The following CTNNA2 variants were observed in gnomAD, a reference collection of about 807,000 sequenced individuals.
CTNNA2 encodes catenin alpha-2.
In CTNNA2, 42 loss-of-function variants were observed where a neutral mutation model predicts 101.0. That is an observed-to-expected ratio of 0.42 (90% CI 0.32 to 0.54). The LOEUF is 0.54. Ranked by LOEUF, CTNNA2 falls within the 20% of genes least tolerant of loss-of-function variation. The pLI is 0.14. For synonymous variants in CTNNA2, 450 were observed against 456.4 expected, an observed-to-expected ratio of 0.99 and a Z score of 0.18; for missense variants, 871 against 1,223.1, an observed-to-expected ratio of 0.71 and a Z score of 4.29.
intron 4 of CTNNA2, among the ~76,000 whole-genome samples, chr2:79,436,568 G>A (rs1456862900): frequency 2.6e-5 from 4 of 152,162 alleles, no homozygotes; most frequent in African/African-American, 9.7e-5. Flanking sequence ...ATCTCCTCAT[G>A]AGGTTCTAAT....
At chr2:80,616,718 T>C (rs12467559) in intron 17 of CTNNA2, among the ~76,000 whole-genome samples, 1 of 151,384 alleles carries the variant, frequency 6.6e-6, no homozygotes, top group Non-Finnish European at 1.5e-5. Flanking sequence ...TAGAGCTTAG[T>C]TTTCATGAAA....
rs539542742 is a variant in CTNNA2 at position 80,327,747 on chromosome 2, C to A, written c.1057-65464C>A. On this transcript the variant is annotated intron_variant, in intron 7 of 18. Coordinates refer to ENST00000402739, the MANE Select transcript of CTNNA2 (RefSeq NM_001282597.3). ...TTAGCACTGACAATAGAAGTATAAA[C>A]AGAGCTTTATTTAATTAATTCCCTA... Among the ~76,000 whole-genome samples the A allele has an allele frequency of 2.0e-4, 30 of 152,280 alleles. No individual in the cohort carries two copies. In the South Asian group the frequency reaches 6.2e-3, roughly 32 times the overall value.
rs1011693765 is a variant in CTNNA2 at position 79,537,983 on chromosome 2, C to G, written c.-6+24776C>G. On this transcript the variant is annotated intron_variant, in intron 1 of 18. Coordinates refer to ENST00000402739, the MANE Select transcript of CTNNA2 (RefSeq NM_001282597.3). Reference sequence around the variant, plus strand: ...TTAGCGAATATGAACATTATTGATTCTACTTTTGGAAGGAAAAATGGTGAC... The same window carrying G: ...TTAGCGAATATGAACATTATTGATTGTACTTTTGGAAGGAAAAATGGTGAC... Among the ~76,000 whole-genome samples, 3 of 152,042 alleles carry G rather than the reference C, an allele frequency of 2.0e-5. No homozygotes were observed. In the South Asian group the frequency reaches 6.2e-4, roughly 32 times the overall value.
intron 9 of CTNNA2, among the ~76,000 whole-genome samples, chr2:80,436,462 A>G (rs1682037376): frequency 6.6e-6 from 1 of 150,400 alleles, no homozygotes; most frequent in Non-Finnish European, 1.5e-5. Flanking sequence ...GGGGGAAACA[A>G]CAACGGGGGT....
intron 7 of CTNNA2, among the ~76,000 whole-genome samples, chr2:80,370,718 A>C (rs71426615): frequency 0.067 from 10,173 of 152,312 alleles, 491 homozygotes; most frequent in Non-Finnish European, 0.1. Context: ...GCTTTTCACT[A>C]TACCACACAG....
rs1671535948 is a variant in CTNNA2, at chr2:80,248,738, G to T, written c.1057-144473G>T. On this transcript the variant is annotated intron_variant, in intron 7 of 18. Coordinates refer to ENST00000402739, the MANE Select transcript of CTNNA2 (RefSeq NM_001282597.3). ...GCTGGTCCCTTTGCCACTGTGGGTG[G>T]TAGCAAATATGTCTCTAGGACATAA... Among the ~76,000 whole-genome samples the T allele has an allele frequency of 2.6e-5, 4 of 152,256 alleles. No homozygotes were observed. In the South Asian group the frequency reaches 6.2e-4, roughly 24 times the overall value.
At position 79,572,571 on chromosome 2, in the gene CTNNA2, G is replaced by A. The variant is rs1675524058; in HGVS notation, c.-6+59364G>A. On this transcript the variant is annotated intron_variant, in intron 1 of 18. Coordinates refer to ENST00000402739, the MANE Select transcript of CTNNA2 (RefSeq NM_001282597.3). ...GTTTGAGACCAGCCTGGCAAACATGGCAAAATCCTGTCTCTACTAAAAATA... is the reference window on the plus strand; with the variant it reads ...GTTTGAGACCAGCCTGGCAAACATGACAAAATCCTGTCTCTACTAAAAATA... 1.3e-5 allele frequency among the ~76,000 whole-genome samples: 2 copies of A among 152,104 alleles called. 1 individual carries two copies. The highest frequency in any genetic ancestry group is 3.9e-4 in the East Asian group (2 of 5,188).
intron 7 of CTNNA2, among the ~76,000 whole-genome samples, chr2:80,028,580 G>A (rs1008825568): frequency 3.9e-5 from 6 of 152,198 alleles, no homozygotes; most frequent in Admixed American, 3.9e-4. Context: ...CTTAACAGGT[G>A]ACACCTGTAA....
chr2:80,620,679 T>C (rs1017265035), intron 18 of CTNNA2, among the ~76,000 whole-genome samples: 7 of 151,898 alleles, frequency 4.6e-5, no homozygotes, highest in Non-Finnish European at 1.0e-4. Flanking sequence ...TGACCTACCT[T>C]CCATTAAAAG....
intron 12 of CTNNA2, among the ~76,000 whole-genome samples, chr2:80,565,349 TC>T (rs1693963248): frequency 6.6e-6 from 1 of 152,106 alleles, no homozygotes; most frequent in Admixed American, 6.6e-5. Context: ...GCAGATTATT[TC>T]ACAGGAAATT....
chr2:79,990,500 C>A (rs367693989), intron 7 of CTNNA2, among the ~76,000 whole-genome samples: 9 of 152,138 alleles, frequency 5.9e-5, no homozygotes, highest in African/African-American at 2.2e-4. Flanking sequence ...CAAAATCCCA[C>A]TCCTCCACTT....
At chr2:80,464,483 A>C (rs1684697031) in intron 9 of CTNNA2, among the ~76,000 whole-genome samples, 1 of 152,184 alleles carries the variant, frequency 6.6e-6, no homozygotes, top group Non-Finnish European at 1.5e-5. Context: ...TGCTTCAGTG[A>C]GGTTTTCTCA....
At chr2:80,560,171 G>A (rs1265267932) in intron 12 of CTNNA2, among the ~76,000 whole-genome samples, 8 of 151,974 alleles carry the variant, frequency 5.3e-5, no homozygotes, top group Admixed American at 4.6e-4. Context: ...CCAAGCAGAT[G>A]GTATAATTTT....
intron 1 of CTNNA2, among the ~76,000 whole-genome samples, chr2:79,519,217 A>G (rs1441806522): frequency 6.7e-6 from 1 of 149,458 alleles, no homozygotes; most frequent in Admixed American, 6.7e-5. Flanking sequence ...CGACAGAACA[A>G]GACTCCGTCT....
Position 80,220,614 on chromosome 2 carries a change from G to A in CTNNA2, c.1057-172597G>A, listed in dbSNP as rs1309564744. On this transcript the variant is annotated intron_variant, in intron 7 of 18. Coordinates refer to ENST00000402739, the MANE Select transcript of CTNNA2 (RefSeq NM_001282597.3). ...TTCCTTCTTTGGGATGGCCTTCATGGTTCTGGGTACTGCTGCATTTGTCAT... is the reference window on the plus strand; with the variant it reads ...TTCCTTCTTTGGGATGGCCTTCATGATTCTGGGTACTGCTGCATTTGTCAT... 4.6e-5 allele frequency among the ~76,000 whole-genome samples: 7 copies of A among 152,268 alleles called. No homozygotes were observed. In the East Asian group the frequency reaches 1.4e-3, roughly 29 times the overall value.
At chr2:79,793,888 G>GCATA (rs1675481845) in intron 3 of CTNNA2, among the ~76,000 whole-genome samples, 1 of 142,624 alleles carries the variant, frequency 7.0e-6, no homozygotes, top group African/African-American at 2.6e-5. Context: ...ACACACTCAT[G>GCATA]CACACACACA....
chr2:80,242,364 T>C (rs1296459719), intron 7 of CTNNA2, among the ~76,000 whole-genome samples: 1 of 152,200 alleles, frequency 6.6e-6, no homozygotes, highest in Non-Finnish European at 1.5e-5. Flanking sequence ...ATAAAAGATT[T>C]TCAAATTTTA....
intron 3 of CTNNA2, among the ~76,000 whole-genome samples, chr2:79,370,454 G>T (rs1677844527): frequency 6.6e-6 from 1 of 152,132 alleles, no homozygotes; most frequent in Non-Finnish European, 1.5e-5. Context: ...TTTAGAGTCT[G>T]GATGTTAGCA....
At position 80,604,250 on chromosome 2, in the gene CTNNA2, T is replaced by C. The variant is rs1480883062; in HGVS notation, c.2295+71T>C. ...ATTAGCACTTGGGTTTTGTAACTAG[T>C]TTTATGCACCCTATAAAATGCCTCT... On this transcript the variant is annotated intron_variant, in intron 16 of 18. Coordinates refer to ENST00000402739, the MANE Select transcript of CTNNA2 (RefSeq NM_001282597.3). 51 of 1,146,996 alleles carry C rather than the reference T, an allele frequency of 4.4e-5. No individual in the cohort carries two copies. The Admixed American group carries it at 8.6e-4, about 19-fold the overall frequency. The allele number at this position is 1,146,996 out of a possible 1,614,324, so 71.1% of individuals were successfully genotyped here.
Sources: allele counts gnomAD v4.1 joint callset (sites outside exome capture counted in the v4.1 genomes callset), GRCh38; gene constraint gnomAD v4.1.1; transcripts MANE v1.5; gene names NCBI Gene and HGNC (gene_info 2026-07-23, HGNC 2026-07-21).